CEP85L: variants seen among roughly 807,000 people sequenced by gnomAD.
CEP85L encodes the protein centrosomal protein 85L, also known as centrosomal protein of 85 kDa-like.
A neutral mutation model predicts 100.3 loss-of-function variants in CEP85L; 60 were observed. The ratio of observed to expected loss-of-function variants is 0.60; its 90% CI spans 0.49 to 0.74. CEP85L has a LOEUF of 0.74. CEP85L is among the 30% of genes least tolerant of loss of function. The pLI is 0.00. For synonymous variants in CEP85L, 319 were observed against 322.7 expected, an observed-to-expected ratio of 0.99 and a Z score of 0.12; for missense variants, 973 against 936.2, an observed-to-expected ratio of 1.04 and a Z score of -0.51.
At chr6:118,587,289 C>T (rs1458566362) in intron 2 of CEP85L, among the ~76,000 whole-genome samples, 1 of 152,176 alleles carries the variant, frequency 6.6e-6, no homozygotes, top group African/African-American at 2.4e-5. Flanking sequence ...ACACTCTGCC[C>T]CAGCGCCAAA....
chr6:118,664,544 G>A (rs1776073618), intron 1 of CEP85L: 1 of 152,468 alleles, frequency 6.6e-6, no homozygotes, highest in Non-Finnish European at 1.5e-5. Context: ...GGAGGGCTAA[G>A]CAGGAGGCAT....
At chr6:118,654,243 C>T (rs189155738), upstream of CEP85L, among the ~76,000 whole-genome samples, 43 of 152,148 alleles carry the variant, frequency 2.8e-4, no homozygotes, top group African/African-American at 9.9e-4. Flanking sequence ...ATTGTGCCAC[C>T]GCACTCAAGC....
chr6:118,554,901 G>A (rs143814962), intron 3 of CEP85L, among the ~76,000 whole-genome samples: 203 of 152,282 alleles, frequency 1.3e-3, no homozygotes, highest in African/African-American at 4.5e-3. Flanking sequence ...TGTTTCATGT[G>A]ACTGAAGTAC....
At chr6:118,583,427 A>G (rs1253513208) in intron 2 of CEP85L, among the ~76,000 whole-genome samples, 1 of 152,118 alleles carries the variant, frequency 6.6e-6, no homozygotes, top group Non-Finnish European at 1.5e-5. Context: ...GCAGATGGGG[A>G]GACTTACTAT....
intron 2 of CEP85L, among the ~76,000 whole-genome samples, chr6:118,609,969 T>C (rs2115219997): frequency 6.6e-6 from 1 of 151,816 alleles, no homozygotes; most frequent in East Asian, 1.9e-4. Flanking sequence ...AGGAAACATT[T>C]CTAGGGAAAA....
intron 2 of CEP85L, among the ~76,000 whole-genome samples, chr6:118,625,451 C>T (rs1773728694): frequency 6.6e-6 from 1 of 152,186 alleles, no homozygotes; most frequent in African/African-American, 2.4e-5. Context: ...GGAGGTATAA[C>T]CTCCTTCACC....
At chr6:118,563,018 T>C (rs1779311853) in intron 3 of CEP85L, among the ~76,000 whole-genome samples, 1 of 152,090 alleles carries the variant, frequency 6.6e-6, no homozygotes, top group East Asian at 1.9e-4. Flanking sequence ...GACCAGACTG[T>C]TTTTCCTCCT....
At chr6:118,643,317 T>C (rs1171926864) in intron 1 of CEP85L, among the ~76,000 whole-genome samples, 1 of 152,192 alleles carries the variant, frequency 6.6e-6, no homozygotes, top group Non-Finnish European at 1.5e-5. Flanking sequence ...AGCAAGGCCA[T>C]ATATATGTAA....
rs140136166 is a variant in CEP85L, at chr6:118,592,948, G to T, written c.233-26632C>A. Among the ~76,000 whole-genome samples, 108 of 151,916 alleles carry T rather than the reference G, an allele frequency of 7.1e-4. 1 individual carries two copies. In the East Asian group the frequency reaches 0.019, roughly 27 times the overall value. On this transcript the variant is annotated intron_variant, in intron 2 of 12. Transcript: ENST00000368491. Reference sequence around the variant, plus strand: ...ACTTTTGCCTTCTTTCTACTTTGGTGTATGTTTGAAATTTTATGGAAAAAA... The same window carrying T: ...ACTTTTGCCTTCTTTCTACTTTGGTTTATGTTTGAAATTTTATGGAAAAAA...
chr6:118,556,021 T>C (rs1397485849), intron 3 of CEP85L, among the ~76,000 whole-genome samples: 1 of 152,244 alleles, frequency 6.6e-6, no homozygotes, highest in Non-Finnish European at 1.5e-5. Flanking sequence ...ATGGTGTATA[T>C]GTACCACATT....
At chr6:118,610,751 T>C (rs1027164156) in intron 2 of CEP85L, among the ~76,000 whole-genome samples, 1 of 151,504 alleles carries the variant, frequency 6.6e-6, no homozygotes, top group African/African-American at 2.4e-5. Flanking sequence ...AAAAAAAATA[T>C]TGAAATCAGC....
In CEP85L at chr6:118,701,130, G is replaced by A. The variant is rs115071237; in HGVS notation, c.-28+8906C>T. 6.7e-4 allele frequency among the ~76,000 whole-genome samples: 102 copies of A among 152,260 alleles called. 1 individual carries two copies. The highest frequency in any genetic ancestry group is 2.3e-3 in the African/African-American group (94 of 41,556). On this transcript the variant is annotated intron_variant, in intron 1 of 13. Transcript: ENST00000368488. ...CATTGTTAAGAGCCACCATGGAAACGGCATTCATTGGACAGCTTTCGAGGA... is the reference window on the plus strand; with the variant it reads ...CATTGTTAAGAGCCACCATGGAAACAGCATTCATTGGACAGCTTTCGAGGA...
At chr6:118,511,544 C>T (rs1478960800) in intron 4 of CEP85L, 129 bp from the exon 5 acceptor site, 3 of 575,706 alleles carry the variant, frequency 5.2e-6, no homozygotes, top group Non-Finnish European at 9.1e-6. Flanking sequence ...ACCTTGCTTT[C>T]TTCAACAACT....
At chr6:118,701,694 G>A (rs1057174767) in intron 1 of CEP85L, among the ~76,000 whole-genome samples, 1 of 151,998 alleles carries the variant, frequency 6.6e-6, no homozygotes, top group Non-Finnish European at 1.5e-5. Flanking sequence ...TGGGTGATGG[G>A]ATCAATTATA....
chr6:118,703,847 A>C (rs1285631164), intron 1 of CEP85L, among the ~76,000 whole-genome samples: 1 of 152,186 alleles, frequency 6.6e-6, no homozygotes, highest in Non-Finnish European at 1.5e-5. Flanking sequence ...AATATATTTA[A>C]TGTTATCTGT....
At chr6:118,623,980 G>A (rs1201442046) in intron 2 of CEP85L, among the ~76,000 whole-genome samples, 1 of 152,076 alleles carries the variant, frequency 6.6e-6, no homozygotes, top group East Asian at 1.9e-4. Context: ...GGCAGGAGTG[G>A]AATCCTGGAT....
At chr6:118,697,864 G>A (rs923464430) in intron 1 of CEP85L, among the ~76,000 whole-genome samples, 1 of 152,078 alleles carries the variant, frequency 6.6e-6, no homozygotes, top group African/African-American at 2.4e-5. Flanking sequence ...TTCTATCTGG[G>A]CCCAGTATTA....
intron 11 of CEP85L, among the ~76,000 whole-genome samples, 184 bp downstream of exon 11, chr6:118,470,353 T>G (rs1372806578): frequency 6.6e-6 from 1 of 152,088 alleles, no homozygotes. Context: ...TGAAACTGTA[T>G]TCTAAAACAC....
intron 3 of CEP85L, among the ~76,000 whole-genome samples, chr6:118,544,439 T>C (rs1257591135): frequency 1.3e-5 from 2 of 152,234 alleles, no homozygotes; most frequent in Non-Finnish European, 2.9e-5. Flanking sequence ...TATCTTGCAC[T>C]AGTGGTTACC....
Sources: gnomAD v4.1 joint callset for allele counts (sites outside exome capture counted in the v4.1 genomes callset) on GRCh38, gnomAD v4.1.1 for gene constraint, MANE v1.5 for transcripts, NCBI Gene and HGNC (gene_info 2026-07-23, HGNC 2026-07-21) for gene names.